The following ANKRD36C variants were observed in gnomAD, a reference collection of about 807,000 sequenced individuals.
ANKRD36C encodes the protein ankyrin repeat domain-containing protein 36C.
A neutral mutation model predicts 276.4 loss-of-function variants in ANKRD36C; 61 were observed. The observed-to-expected ratio is 0.22, with a 90% CI of 0.18 to 0.27. The LOEUF (loss-of-function observed/expected upper bound fraction) is 0.27. ANKRD36C is among the 10% of genes least tolerant of loss of function. The pLI is 1.00. For missense variants in ANKRD36C, 1,447 were observed against 2,032.3 expected (o/e 0.71, Z 5.54); for synonymous variants, 483 against 680.1 (o/e 0.71, Z 4.51).
chr2:95,945,509 A>G (rs1370253123), intron 17 of ANKRD36C, among the ~76,000 whole-genome samples: 1 of 24 alleles, frequency 0.042, no homozygotes, highest in Non-Finnish European at 0.062. Flanking sequence ...AACAAAACTA[A>G]TAATAAAAAG....
intron 36 of ANKRD36C, 89 bp downstream of exon 38, chr2:95,917,766 C>T (rs1677144427): frequency 8.1e-6 from 12 of 1,488,908 alleles, no homozygotes; most frequent in Non-Finnish European, 9.9e-6. Flanking sequence ...GGCGAGCACC[C>T]CCAACCGCCC....
chr2:95,955,509 T>C (rs796140149), intron 13 of ANKRD36C, among the ~76,000 whole-genome samples: 1 of 151,342 alleles, frequency 6.6e-6, no homozygotes, highest in Non-Finnish European at 1.5e-5. Context: ...CCCTCATTTC[T>C]ATCAAACTAA....
intron 32 of ANKRD36C, 71 bp downstream of exon 32, chr2:95,923,424 A>C: frequency 6.4e-7 from 1 of 1,558,956 alleles, no homozygotes; most frequent in Non-Finnish European, 8.7e-7. Context: ...CCCCCCGCTG[A>C]TTTATTCAGG....
intron 19 of ANKRD36C, among the ~76,000 whole-genome samples, chr2:95,943,601 A>G (rs1366158411): frequency 6.6e-6 from 1 of 151,536 alleles, no homozygotes; most frequent in East Asian, 1.9e-4. Context: ...AAAGGCTAAA[A>G]CAGCTCCAAG....
intron 3 of ANKRD36C, among the ~76,000 whole-genome samples, chr2:95,986,456 G>A (rs1679027870): frequency 1.3e-5 from 2 of 152,164 alleles, no homozygotes; most frequent in Non-Finnish European, 2.9e-5. Flanking sequence ...GTAATTTAGT[G>A]GAAAAACACT....
exon 30 of ANKRD36C, chr2:95,925,361 A>T: frequency 6.3e-7 from 1 of 1,578,958 alleles, no homozygotes; most frequent in East Asian, 2.3e-5. Flanking sequence ...CCTGTTCCAG[A>T]TTTCCCACCG....
chr2:95,959,153 C>T (rs909207074), intron 10 of ANKRD36C, among the ~76,000 whole-genome samples: 6 of 152,290 alleles, frequency 3.9e-5, no homozygotes, highest in African/African-American at 2.4e-5. Context: ...AATGCTCCTG[C>T]ATGTTTTTCA....
At chr2:95,913,445 C>T (rs945873958) in intron 40 of ANKRD36C, among the ~76,000 whole-genome samples, 1 of 151,382 alleles carries the variant, frequency 6.6e-6, no homozygotes, top group African/African-American at 2.4e-5. Context: ...CTGATGCCTC[C>T]TAGTAACCAA....
intron 64 of ANKRD36C, chr2:95,852,835 G>A (rs1675324162): frequency 6.6e-6 from 1 of 152,374 alleles, no homozygotes; most frequent in Non-Finnish European, 1.5e-5. Flanking sequence ...GACAAAGTCA[G>A]TTCCAAATAA....
chr2:95,878,701 T>C (rs1396275206), intron 58 of ANKRD36C, among the ~76,000 whole-genome samples: 9 of 152,166 alleles, frequency 5.9e-5, no homozygotes, highest in Non-Finnish European at 1.3e-4. Context: ...AACAGGTATA[T>C]GGAAAGGTGC....
chr2:95,952,387 GA>G, intron 14 of ANKRD36C, among the ~76,000 whole-genome samples: 1 of 64 alleles, frequency 0.016, no homozygotes, highest in Non-Finnish European at 0.025. Context: ...TCTTACTACA[GA>G]GAGAGAGAGA....
intron 64 of ANKRD36C, chr2:95,852,455 C>A (rs1218406930): frequency 1.7e-5 from 7 of 420,136 alleles, no homozygotes; most frequent in Non-Finnish European, 3.0e-5. Context: ...GTTATTGCAA[C>A]AAGGATCTTA....
chr2:95,891,194 T>G (rs942191425), intron 46 of ANKRD36C, among the ~76,000 whole-genome samples: 1 of 150,698 alleles, frequency 6.6e-6, no homozygotes, highest in Non-Finnish European at 1.5e-5. Context: ...TTTTCCACCT[T>G]CCTGCCTCAC....
chr2:95,986,557 A>G, intron 3 of ANKRD36C, 194 bp downstream of exon 3: 1 of 704,192 alleles, frequency 1.4e-6, no homozygotes, highest in South Asian at 2.8e-5. Context: ...GTGCATGAAA[A>G]ATAGCTGTTC....
At chr2:95,851,085 G>C (rs1675282490), downstream of ANKRD36C, 25 of 913,376 alleles carry the variant, frequency 2.7e-5, no homozygotes, top group Admixed American at 2.3e-4. Context: ...CCAAGCAATT[G>C]AGAGGGAATA....
exon 63 of ANKRD36C, chr2:95,855,970 A>C: frequency 6.2e-7 from 1 of 1,613,110 alleles, no homozygotes; most frequent in Non-Finnish European, 8.5e-7. Flanking sequence ...CCACTATAAC[A>C]GGCTATCGTT....
chr2:95,862,595 T>C (rs1402373192), intron 60 of ANKRD36C, among the ~76,000 whole-genome samples: 1 of 151,196 alleles, frequency 6.6e-6, no homozygotes, highest in Non-Finnish European at 1.5e-5. Flanking sequence ...AATCAATGAC[T>C]TTGACTTCTA....
At chr2:95,986,238 G>A (rs927580676) in intron 3 of ANKRD36C, among the ~76,000 whole-genome samples, 1 of 151,920 alleles carries the variant, frequency 6.6e-6, no homozygotes, top group African/African-American at 2.4e-5. Context: ...ATTTCTGATT[G>A]CTCTCCTTTT....
rs750882315 is a variant in ANKRD36C at position 95,921,648 on chromosome 2, T to A, written c.2204A>T (p.Asn735Ile). 314 of 1,609,092 alleles carry A rather than the reference T, an allele frequency of 2.0e-4. 1 individual carries two copies. In the Middle Eastern group the frequency reaches 3.4e-3, roughly 17 times the overall value. Residue 735 changes from asparagine (N) to isoleucine (I), a missense_variant, in exon 34 of 67, where the codon AAT becomes ATT. Asn to Ile is a moderately radical substitution (Grantham distance 149). Transcript: ENST00000456556. ...TCCATCCTTTATTTCTGTGGCTATATTCGAAACAGAATCTTCCTCGTCAGT... is the reference window on the plus strand; with the variant it reads ...TCCATCCTTTATTTCTGTGGCTATAATCGAAACAGAATCTTCCTCGTCAGT...
Sources: gnomAD v4.1 joint callset for allele counts (sites outside exome capture counted in the v4.1 genomes callset) on GRCh38, gnomAD v4.1.1 for gene constraint, MANE v1.5 for transcripts, NCBI Gene and HGNC (gene_info 2026-07-23, HGNC 2026-07-21) for gene names.